The following TNRC6C variants were observed in gnomAD, a reference collection of about 807,000 sequenced individuals.
TNRC6C encodes the protein trinucleotide repeat-containing gene 6C protein.
A neutral mutation model predicts 153.7 loss-of-function variants in TNRC6C; 20 were observed. The ratio of observed to expected loss-of-function variants is 0.13; its 90% confidence interval spans 0.09 to 0.19. The LOEUF is 0.19. TNRC6C is among the 10% of genes least tolerant of loss of function. The pLI, the probability that TNRC6C is intolerant of heterozygous loss-of-function variation, is 1.00. For synonymous variants in TNRC6C, 811 were observed against 841.4 expected (o/e 0.96, Z 0.63); for missense variants, 1,987 against 2,172.0 (o/e 0.91, Z 1.69).
intron 2 of TNRC6C, among the ~76,000 whole-genome samples, chr17:78,044,924 G>A (rs540979138): frequency 6.0e-4 from 92 of 152,314 alleles, no homozygotes; most frequent in African/African-American, 2.1e-3. Flanking sequence ...ATGGATTTGA[G>A]ATGGGAAAAA....
At chr17:78,004,401 A>T, upstream of TNRC6C, 4 of 1,027,416 alleles carry the variant, frequency 3.9e-6, no homozygotes, top group Non-Finnish European at 5.0e-6. Context: ...ATTAGCGAAT[A>T]ATAGATATCC....
At chr17:78,017,238 A>C (rs777243268) in intron 1 of TNRC6C, among the ~76,000 whole-genome samples, 1 of 152,200 alleles carries the variant, frequency 6.6e-6, no homozygotes, top group African/African-American at 2.4e-5. Flanking sequence ...TTTCTAAATA[A>C]ATTTTTAAAG....
At chr17:78,086,356 A>C (rs918425197) in intron 11 of TNRC6C, 147 bp from the exon 14 acceptor site, 66 of 488,162 alleles carry the variant, frequency 1.4e-4, no homozygotes, top group Middle Eastern at 5.5e-4. Context: ...AAAAAAAAAA[A>C]AAAACAGTAT....
upstream of TNRC6C, among the ~76,000 whole-genome samples, chr17:78,000,625 C>T (rs1289600649): frequency 1.6e-5 from 1 of 62,996 alleles, no homozygotes; most frequent in African/African-American, 7.0e-5. Context: ...TCCGCCCCCC[C>T]CCCCCCACAC....
At chr17:78,054,426 A>G (rs1315936341) in intron 3 of TNRC6C, among the ~76,000 whole-genome samples, 2 of 149,258 alleles carry the variant, frequency 1.3e-5, no homozygotes, top group South Asian at 2.1e-4. Flanking sequence ...ACACCACTGC[A>G]GACTACTGTA....
intron 3 of TNRC6C, among the ~76,000 whole-genome samples, chr17:78,056,449 T>C (rs1271453327): frequency 2.0e-5 from 3 of 149,898 alleles, no homozygotes; most frequent in Non-Finnish European, 4.4e-5. Flanking sequence ...TGAACCACCA[T>C]GGCCGGCCCA....
intron 10 of TNRC6C, among the ~76,000 whole-genome samples, chr17:78,081,148 A>T (rs1234794889): frequency 6.6e-6 from 1 of 152,166 alleles, no homozygotes; most frequent in African/African-American, 2.4e-5. Flanking sequence ...GGAAGGGGCA[A>T]ACAGGCTTCC....
intron 2 of TNRC6C, among the ~76,000 whole-genome samples, chr17:78,037,481 C>T (rs4362447): frequency 0.38 from 57,315 of 151,938 alleles, 10,959 homozygotes; most frequent in South Asian, 0.46. Flanking sequence ...ACCCAGACTA[C>T]GGATAGGGGA....
chr17:78,053,940 T>A (rs546302750), intron 3 of TNRC6C, among the ~76,000 whole-genome samples: 2 of 152,292 alleles, frequency 1.3e-5, no homozygotes, highest in Non-Finnish European at 2.9e-5. Context: ...GGTGATACAT[T>A]CTAAGAAATG....
intron 17 of TNRC6C, among the ~76,000 whole-genome samples, chr17:78,099,448 G>A (rs949024920): frequency 6.6e-6 from 1 of 152,164 alleles, no homozygotes; most frequent in Admixed American, 6.5e-5. Flanking sequence ...TCACAATCCT[G>A]GTAGAAGGTG....
In TNRC6C at chr17:78,096,596, G is replaced by A. The variant is rs188491949; in HGVS notation, c.4307-1747G>A. 2.7e-4 allele frequency among the ~76,000 whole-genome samples: 41 copies of A among 152,298 alleles called. No individual in the cohort carries two copies. In the East Asian group the frequency reaches 3.1e-3, roughly 11 times the overall value. On this transcript the variant is annotated intron_variant, in intron 16 of 19. Transcript: ENST00000301624. ...CACACCTGGTTATTCACTGCACAAC[G>A]CCATGTGGGCCTACGGCTGAGATGC...
chr17:78,028,703 G>A (rs2071995977), intron 1 of TNRC6C, among the ~76,000 whole-genome samples: 2 of 152,126 alleles, frequency 1.3e-5, no homozygotes, highest in African/African-American at 4.8e-5. Flanking sequence ...ACCCCCCAAT[G>A]TTGACTTAAA....
chr17:78,041,156 AACGGAACAAAC>A (rs896197929), intron 2 of TNRC6C: 3 of 152,286 alleles, frequency 2.0e-5, no homozygotes, highest in Non-Finnish European at 4.4e-5. Flanking sequence ...GAGCAGGAGA[AACGGAACAAAC>A]ACGGAACAAA....
intron 1 of TNRC6C, among the ~76,000 whole-genome samples, chr17:78,022,966 A>G (rs1425459919): frequency 2.0e-5 from 3 of 152,220 alleles, no homozygotes; most frequent in African/African-American, 7.2e-5. Context: ...TACATTAGGT[A>G]TTATAAGTAA....
At chr17:77,999,590 A>G (rs779794306), upstream of TNRC6C, among the ~76,000 whole-genome samples, 12 of 152,314 alleles carry the variant, frequency 7.9e-5, no homozygotes, top group Non-Finnish European at 1.6e-4. Flanking sequence ...TTAGTTTGCT[A>G]TGCTGCGTAA....
intron 5 of TNRC6C, 55 bp downstream of exon 7, chr17:78,067,978 C>T: frequency 2.0e-6 from 3 of 1,537,298 alleles, no homozygotes; most frequent in Non-Finnish European, 2.6e-6. Flanking sequence ...GTACTTCAGA[C>T]ACATTCAGTA....
exon 20 of TNRC6C, chr17:78,108,217 G>C (rs1198007227): frequency 1.3e-5 from 2 of 152,740 alleles, no homozygotes; most frequent in African/African-American, 4.8e-5. Context: ...CAATTCCTTC[G>C]AAAAGATGGG....
rs1404563300 is a variant in TNRC6C at position 78,104,323 on chromosome 17, T to C, written c.4713-162T>C. On this transcript the variant is annotated intron_variant, in intron 19 of 19. Transcript: ENST00000301624. The surrounding 1 kb of genome is among the most constrained non-coding windows in gnomAD (Gnocchi z 6.2). Reference sequence around the variant, plus strand: ...CGATGTTGCCACTAGAAGTCTGAACTGAGCAAAACATTCACAGTCTGGGTT... The same window carrying C: ...CGATGTTGCCACTAGAAGTCTGAACCGAGCAAAACATTCACAGTCTGGGTT... Among the ~76,000 whole-genome samples, 1 of 152,198 alleles carries C rather than the reference T, an allele frequency of 6.6e-6. No homozygotes were observed. The highest frequency in any genetic ancestry group is 1.5e-5 in the Non-Finnish European group (1 of 68,042).
chr17:78,025,233 T>A (rs1420043145), intron 1 of TNRC6C, among the ~76,000 whole-genome samples: 1 of 152,170 alleles, frequency 6.6e-6, no homozygotes, highest in African/African-American at 2.4e-5. Flanking sequence ...CTCCGCATAG[T>A]CATCCCCCAC....
Sources: allele counts gnomAD v4.1 joint callset (sites outside exome capture counted in the v4.1 genomes callset), GRCh38; gene constraint gnomAD v4.1.1; non-coding constraint Gnocchi (gnomAD v3.1); transcripts MANE v1.5; gene names NCBI Gene and HGNC (gene_info 2026-07-23, HGNC 2026-07-21).